Variants in PLS3 observed in about 807,000 individuals in gnomAD.
PLS3 encodes plastin-3.
Under a neutral mutation model 46.5 loss-of-function variants are expected in PLS3, and 11 were observed. That is an observed-to-expected ratio of 0.24 (90% CI 0.15 to 0.39). The LOEUF (loss-of-function observed/expected upper bound fraction) is 0.39. Ranked by LOEUF, PLS3 falls within the 10% of genes least tolerant of loss-of-function variation. PLS3 has a pLI of 1.00. For synonymous variants in PLS3, 167 were observed against 162.2 expected (o/e 1.03, Z -0.22); for missense variants, 308 against 461.8 (o/e 0.67, Z 3.05).
intron 1 of PLS3, among the ~76,000 whole-genome samples, chrX:115,577,588 G>A (rs1270614668): frequency 9.1e-6 from 1 of 110,362 alleles, no homozygotes; most frequent in Non-Finnish European, 1.9e-5. Context: ...AGCAGTTCTC[G>A]TGCCTCAGCT....
chrX:115,565,759 A>G (rs1278487803), intron 1 of PLS3, among the ~76,000 whole-genome samples: 1 of 112,338 alleles, frequency 8.9e-6, no homozygotes, highest in Non-Finnish European at 1.9e-5. Context: ...TTATTCCATG[A>G]CTAATGTTAG....
At chrX:115,570,890 TA>T (rs2147414873) in intron 1 of PLS3, among the ~76,000 whole-genome samples, 1 of 101,447 alleles carries the variant, frequency 9.9e-6, no homozygotes, top group South Asian at 4.2e-4. Context: ...TCGTTTAATT[TA>T]TTCTTTTTTT....
At chrX:115,567,642 G>A (rs1458159081) in intron 1 of PLS3, among the ~76,000 whole-genome samples, 2 of 108,532 alleles carry the variant, frequency 1.8e-5, no homozygotes, top group Admixed American at 2.0e-4. Context: ...CAGAAAATGT[G>A]GGAAGTTAAG....
chrX:115,574,076 T>C (rs1426625455), intron 1 of PLS3, among the ~76,000 whole-genome samples: 1 of 111,754 alleles, frequency 8.9e-6, no homozygotes, highest in Non-Finnish European at 1.9e-5. Flanking sequence ...TTTGGTGGGA[T>C]AGCATCAAAG....
rs782699807 is a variant in PLS3, at chrX:115,575,485, CCAGG to C, written c.-9+14227_-9+14230del. Among the ~76,000 whole-genome samples, 4 of 111,951 alleles carry C rather than the reference CCAGG, an allele frequency of 3.6e-5. No individual in the cohort carries two copies. The South Asian group carries it at 1.5e-3, about 42-fold the overall frequency. ...TTGAGACGGAGTCTGGCTCTGCTGC[CCAGG>C]CTGGAGTGCAGTGGCACCATCTCGG... On this transcript the variant is annotated intron_variant, in intron 1 of 15. Transcript: ENST00000355899.
chrX:115,635,662 A>G (rs1480405907), intron 7 of PLS3, among the ~76,000 whole-genome samples: 1 of 104,872 alleles, frequency 9.5e-6, no homozygotes, highest in Non-Finnish European at 2.0e-5. Flanking sequence ...AAAAAAAAAA[A>G]AAAAAAAGAA....
chrX:115,574,610 G>T (rs1348806791), intron 1 of PLS3, among the ~76,000 whole-genome samples: 2 of 108,804 alleles, frequency 1.8e-5, no homozygotes, highest in African/African-American at 6.7e-5. Flanking sequence ...ACAGAGTTTC[G>T]CTCTTGTTGC....
At chrX:115,620,690 CTT>C (rs370878043) in intron 2 of PLS3, among the ~76,000 whole-genome samples, 2 of 69,182 alleles carry the variant, frequency 2.9e-5, no homozygotes, top group African/African-American at 1.0e-4. Context: ...ATGCTTTTTT[CTT>C]TTTTTTTTCT....
At chrX:115,648,120 A>T in intron 15 of PLS3, 103 bp downstream of exon 15, 1 of 588,469 alleles carries the variant, frequency 1.7e-6, no homozygotes. Context: ...TCACCTTGGG[A>T]GAAACCTCTT....
At chrX:115,603,314 G>A (rs782147626) in intron 1 of PLS3, among the ~76,000 whole-genome samples, 1 of 110,954 alleles carries the variant, frequency 9.0e-6, no homozygotes, top group South Asian at 3.8e-4. Context: ...GTTTGCTTTT[G>A]TTTTACTCCC....
intron 2 of PLS3, among the ~76,000 whole-genome samples, chrX:115,616,661 C>A (rs1419570089): frequency 9.0e-6 from 1 of 111,425 alleles, no homozygotes; most frequent in Non-Finnish European, 1.9e-5. Context: ...GGTTTTTTGA[C>A]TGAGGGTTCG....
chrX:115,647,761 G>A, intron 14 of PLS3, 88 bp downstream of exon 14: 6 of 1,117,864 alleles, frequency 5.4e-6, no homozygotes, highest in African/African-American at 1.8e-5. Flanking sequence ...CTTTGTGAGT[G>A]AGAATTAGTG....
chrX:115,641,909 T>G (rs1217005035), intron 9 of PLS3, among the ~76,000 whole-genome samples: 1 of 110,315 alleles, frequency 9.1e-6, no homozygotes, highest in Non-Finnish European at 1.9e-5. Context: ...TAGCCAGTGT[T>G]ATTTCCCCAA....
At chrX:115,586,302 C>T (rs894760291) in intron 1 of PLS3, among the ~76,000 whole-genome samples, 2 of 106,982 alleles carry the variant, frequency 1.9e-5, no homozygotes, top group Non-Finnish European at 3.9e-5. Flanking sequence ...ATCTAATTTG[C>T]TGTGTATGAG....
In PLS3 at chrX:115,615,075, C is replaced by CA. The variant is rs782768025; in HGVS notation, c.73+4755dup. On this transcript the variant is annotated intron_variant, in intron 2 of 15. Transcript: ENST00000355899. ...ACGCATACACACACAACCCGAGCGTCAAAGAAAATCCTAGTCTTTCTTACT... is the reference window on the plus strand; with the variant it reads ...ACGCATACACACACAACCCGAGCGTCAAAAGAAAATCCTAGTCTTTCTTACT... Among the ~76,000 whole-genome samples the CA allele has an allele frequency of 3.6e-5, 4 of 111,076 alleles. No homozygotes were observed. In the South Asian group the frequency reaches 1.6e-3, roughly 43 times the overall value.
intron 1 of PLS3, among the ~76,000 whole-genome samples, chrX:115,577,502 G>C (rs1161839017): frequency 9.1e-6 from 1 of 109,645 alleles, no homozygotes; most frequent in Admixed American, 9.9e-5. Flanking sequence ...AATTGAGACG[G>C]AATCTTGCTC....
At chrX:115,564,227 A>G (rs1464651850) in intron 1 of PLS3, among the ~76,000 whole-genome samples, 1 of 111,906 alleles carries the variant, frequency 8.9e-6, no homozygotes, top group Non-Finnish European at 1.9e-5. Flanking sequence ...AATAAATAAC[A>G]CTTTGCCTTG....
chrX:115,563,050 A>G (rs1287933154), intron 1 of PLS3, among the ~76,000 whole-genome samples: 1 of 111,477 alleles, frequency 9.0e-6, no homozygotes, highest in Non-Finnish European at 1.9e-5. Flanking sequence ...AATTTAAAAA[A>G]CATCTTACTA....
chrX:115,586,520 A>G (rs1207674182), intron 1 of PLS3, among the ~76,000 whole-genome samples: 1 of 103,625 alleles, frequency 9.7e-6, no homozygotes, highest in African/African-American at 3.5e-5. Flanking sequence ...AATACAAAAA[A>G]AAAAAAAAAA....
Sources: gnomAD v4.1 joint callset for allele counts (sites outside exome capture counted in the v4.1 genomes callset) on GRCh38, gnomAD v4.1.1 for gene constraint, MANE v1.5 for transcripts, NCBI Gene and HGNC (gene_info 2026-07-23, HGNC 2026-07-21) for gene names.